DPP6: variants seen among roughly 807,000 people sequenced by gnomAD.
DPP6 encodes dipeptidyl peptidase like 6.
DPP6 carries 69 observed loss-of-function variants against 122.6 expected under a neutral mutation model. That is an observed-to-expected ratio of 0.56 (90% CI 0.46 to 0.69). The LOEUF is 0.69. DPP6 is among the 30% of genes least tolerant of loss of function. DPP6 has a pLI of 0.00. For missense variants in DPP6, 928 were observed against 1,116.9 expected, an observed-to-expected ratio of 0.83 and a Z score of 2.41; for synonymous variants, 418 against 433.1, an observed-to-expected ratio of 0.97 and a Z score of 0.43.
At chr7:154,690,261 C>G (rs34893862) in intron 7 of DPP6, among the ~76,000 whole-genome samples, 9,468 of 152,168 alleles carry the variant, frequency 0.062, 465 homozygotes, top group African/African-American at 0.13. Context: ...AGCATCCCAT[C>G]CAGAGTTTTT....
At chr7:154,870,918 G>A (rs1229243355) in intron 18 of DPP6, among the ~76,000 whole-genome samples, 1 of 139,292 alleles carries the variant, frequency 7.2e-6, no homozygotes, top group Non-Finnish European at 1.5e-5. Context: ...AGCTGAGATC[G>A]CACTACTGTA....
chr7:154,454,284 C>G (rs1820637853), intron 2 of DPP6, among the ~76,000 whole-genome samples: 1 of 152,210 alleles, frequency 6.6e-6, no homozygotes, highest in African/African-American at 2.4e-5. Flanking sequence ...GGGATGGTGT[C>G]TACTCTGATC....
At chr7:154,073,646 A>G (rs1011759498) in intron 1 of DPP6, among the ~76,000 whole-genome samples, 58 of 152,268 alleles carry the variant, frequency 3.8e-4, no homozygotes, top group Non-Finnish European at 5.4e-4. Context: ...AAAGGCCAAG[A>G]TCCAGAATAA....
chr7:154,887,835 C>A, intron 23 of DPP6, 101 bp downstream of exon 23: 1 of 1,341,282 alleles, frequency 7.5e-7, no homozygotes, highest in Non-Finnish European at 1.1e-6. Context: ...CTTCCCCAGC[C>A]CCATGCTTCT....
At chr7:154,501,970 A>G (rs1377222442) in intron 3 of DPP6, among the ~76,000 whole-genome samples, 2 of 152,090 alleles carry the variant, frequency 1.3e-5, no homozygotes, top group African/African-American at 2.4e-5. Context: ...AACCATAAGA[A>G]CCCACCTCTT....
intron 1 of DPP6, among the ~76,000 whole-genome samples, 161 bp from the exon 2 acceptor site, chr7:154,446,053 A>G (rs1819838990): frequency 6.6e-6 from 1 of 152,264 alleles, no homozygotes; most frequent in Non-Finnish European, 1.5e-5. Context: ...AGAAGGGTGC[A>G]GAAGGGTACA....
chr7:154,371,698 A>G (rs1312294828), intron 1 of DPP6, among the ~76,000 whole-genome samples: 1 of 152,152 alleles, frequency 6.6e-6, no homozygotes, highest in African/African-American at 2.4e-5. Flanking sequence ...GTCCAGGCAC[A>G]GCAGGATTTC....
At chr7:154,256,410 G>T (rs1802663745) in intron 1 of DPP6, among the ~76,000 whole-genome samples, 1 of 152,174 alleles carries the variant, frequency 6.6e-6, no homozygotes, top group South Asian at 2.1e-4. Context: ...GAACCAAATG[G>T]AAACTGGACG....
At chr7:153,815,676 G>C in the DPP6 span, among the ~76,000 whole-genome samples, 1 of 152,056 alleles carries the variant, frequency 6.6e-6, no homozygotes, top group Non-Finnish European at 1.5e-5. Flanking sequence ...TCCTTTGTCA[G>C]AAAAAGATAA....
intron 4 of DPP6, among the ~76,000 whole-genome samples, chr7:154,545,470 CCCTTCCTTCCTT>C (rs772501516): frequency 8.0e-6 from 1 of 124,374 alleles, no homozygotes; most frequent in African/African-American, 3.9e-5. Context: ...CTCCCTCCCT[CCCTTCCTTCCTT>C]CCTTCCTTCC....
exon 1 of DPP6, chr7:153,887,489 T>G: frequency 3.6e-6 from 2 of 548,222 alleles, no homozygotes; most frequent in Non-Finnish European, 3.3e-6. Flanking sequence ...TTGATTGCTA[T>G]TGGGATCCGC....
intron 6 of DPP6, among the ~76,000 whole-genome samples, chr7:154,659,487 C>A (rs2131035180): frequency 6.6e-6 from 1 of 152,296 alleles, no homozygotes; most frequent in East Asian, 1.9e-4. Flanking sequence ...AATAAACCAG[C>A]ATTTATGGAA....
At chr7:154,504,851 C>T (rs1392719811) in intron 3 of DPP6, among the ~76,000 whole-genome samples, 9 of 149,190 alleles carry the variant, frequency 6.0e-5, no homozygotes, top group Admixed American at 2.7e-4. Context: ...TGAAACTTGT[C>T]GTTTGTGGTT....
At chr7:154,728,893 G>T (rs185156203) in intron 8 of DPP6, among the ~76,000 whole-genome samples, 148 of 152,224 alleles carry the variant, frequency 9.7e-4, no homozygotes, top group African/African-American at 3.4e-3. Flanking sequence ...CCCATTCATA[G>T]GGGCAACACC....
chr7:153,933,008 C>A (rs768652865), intron 1 of DPP6, among the ~76,000 whole-genome samples: 1 of 152,194 alleles, frequency 6.6e-6, no homozygotes, highest in Non-Finnish European at 1.5e-5. Context: ...CCCCTGCACA[C>A]GCTCTCTTGC....
intron 8 of DPP6, among the ~76,000 whole-genome samples, chr7:154,756,785 G>A (rs1476547917): frequency 3.9e-5 from 6 of 152,182 alleles, no homozygotes; most frequent in South Asian, 2.1e-4. Context: ...GATTCAGCTC[G>A]CGAGATATTC....
At chr7:154,766,102 G>A (rs1237230889) in intron 8 of DPP6, among the ~76,000 whole-genome samples, 1 of 152,152 alleles carries the variant, frequency 6.6e-6, no homozygotes, top group African/African-American at 2.4e-5. Flanking sequence ...AAATAAAAAT[G>A]GCAAGGAGCG....
chr7:154,406,328 T>C (rs1355609526), intron 1 of DPP6, among the ~76,000 whole-genome samples: 1 of 152,206 alleles, frequency 6.6e-6, no homozygotes, highest in African/African-American at 2.4e-5. Flanking sequence ...TGGACCAATG[T>C]TTTCTTAAAT....
At chr7:154,153,216 GT>G (rs1185234953) in intron 1 of DPP6, among the ~76,000 whole-genome samples, 1 of 152,164 alleles carries the variant, frequency 6.6e-6, no homozygotes, top group Non-Finnish European at 1.5e-5. Context: ...TTAAGATGGA[GT>G]TTTGCTTGCC....
Sources: allele counts gnomAD v4.1 joint callset (sites outside exome capture counted in the v4.1 genomes callset), GRCh38; gene constraint gnomAD v4.1.1; transcripts MANE v1.5; gene names NCBI Gene and HGNC (gene_info 2026-07-23, HGNC 2026-07-21).